The following FAM53B variants were observed in gnomAD, a reference collection of about 807,000 sequenced individuals.
FAM53B encodes family with sequence similarity 53 member B.
FAM53B carries 12 observed loss-of-function variants against 32.7 expected under a neutral mutation model. The observed-to-expected ratio is 0.37, with a 90% CI of 0.24 to 0.59. The LOEUF is 0.59. FAM53B is among the 20% of genes least tolerant of loss of function. The pLI, the probability that FAM53B is intolerant of heterozygous loss-of-function variation, is 0.72. For synonymous variants in FAM53B, 234 were observed against 228.7 expected, an observed-to-expected ratio of 1.02 and a Z score of -0.21; for missense variants, 477 against 577.7, an observed-to-expected ratio of 0.83 and a Z score of 1.79.
chr10:124,662,214 G>A (rs1473191829), intron 4 of FAM53B, among the ~76,000 whole-genome samples: 5 of 152,188 alleles, frequency 3.3e-5, no homozygotes, highest in African/African-American at 2.4e-5. Context: ...AGCCTCTTCC[G>A]TAAAACAAGC....
intron 1 of FAM53B, among the ~76,000 whole-genome samples, chr10:124,735,480 A>C (rs908722291): frequency 6.6e-6 from 1 of 152,222 alleles, no homozygotes; most frequent in Non-Finnish European, 1.5e-5. Flanking sequence ...TTTCCTCCCG[A>C]AAAAAACCCT....
chr10:124,689,415 A>C (rs1350982206), intron 3 of FAM53B, among the ~76,000 whole-genome samples: 2 of 152,166 alleles, frequency 1.3e-5, no homozygotes, highest in Admixed American at 6.5e-5. Flanking sequence ...CAGTGTCAGG[A>C]ACAAAAAGTC....
chr10:124,672,815 GTGCAAGGAC>G (rs1319763173), intron 4 of FAM53B, among the ~76,000 whole-genome samples: 2 of 152,226 alleles, frequency 1.3e-5, no homozygotes, highest in Non-Finnish European at 2.9e-5. Context: ...AATCACAGAT[GTGCAAGGAC>G]TGGGGGGTAA....
chr10:124,645,658 G>T (rs185475151), intron 4 of FAM53B, among the ~76,000 whole-genome samples: 2 of 152,370 alleles, frequency 1.3e-5, no homozygotes, highest in East Asian at 3.9e-4. Flanking sequence ...GACGCACACT[G>T]TTGGCGGCTG....
intron 4 of FAM53B, among the ~76,000 whole-genome samples, chr10:124,679,536 G>C (rs569085573): frequency 8.4e-4 from 128 of 152,248 alleles, no homozygotes; most frequent in African/African-American, 3.0e-3. Flanking sequence ...GAGCCCCATG[G>C]AGAGAGGGCT....
intron 4 of FAM53B, among the ~76,000 whole-genome samples, chr10:124,656,357 A>G (rs140420923): frequency 4.4e-4 from 67 of 152,366 alleles, no homozygotes; most frequent in Middle Eastern, 3.4e-3. Flanking sequence ...CTGTAGTGGG[A>G]GCGCAGGTGT....
rs1950165589 is a variant in FAM53B, at chr10:124,735,036, A to G, written c.-175+8977T>C. Among the ~76,000 whole-genome samples, 3 of 152,306 alleles carry G rather than the reference A, an allele frequency of 2.0e-5. No homozygotes were observed. The South Asian group carries it at 6.2e-4, about 32-fold the overall frequency. On this transcript the variant is annotated intron_variant, in intron 1 of 4. Coordinates refer to ENST00000337318, the MANE Select transcript of FAM53B (RefSeq NM_014661.4). ...CTAGAAGCAGCCGGAATCACACCGC[A>G]GGCCGAGCTGGGGGCAGGCGCTCCA...
In FAM53B at chr10:124,621,968, G is replaced by C. The variant is rs1949313630; in HGVS notation, c.*1274C>G. On this transcript the variant is annotated 3_prime_UTR_variant, in exon 5 of 5. Coordinates refer to ENST00000337318, the MANE Select transcript of FAM53B (RefSeq NM_014661.4). Reference sequence around the variant, plus strand: ...TGTGGTGGTGTCTGCAAGGCAGCCGGAGAGGAGCTACAAACCTTGAGAGGA... The same window carrying C: ...TGTGGTGGTGTCTGCAAGGCAGCCGCAGAGGAGCTACAAACCTTGAGAGGA... 6.6e-6 allele frequency: 1 copy of C among 152,478 alleles called. No homozygotes were observed. Among genetic ancestry groups the C allele is most frequent in the African/African-American group, 2.4e-5 (1 of 41,448 alleles). The allele number at this position is 152,478 out of a possible 1,614,324, so 9.4% of individuals were successfully genotyped here.
At position 124,623,340 on chromosome 10, in the gene FAM53B, C is replaced by G. The variant is rs760892008; in HGVS notation, c.1171G>C (p.Ala391Pro). ...TCCCGCCAGGCTGCAGCCGGCTCCG[C>G]TCTCCTGCCACAATCCTCGTCCAGG... Reference protein sequence around the residue: ...CALDEDCGRRAEPAAAWRDRG... With the variant: ...CALDEDCGRRPEPAAAWRDRG... Residue 391 changes from alanine to proline, a missense_variant, in exon 5 of 5, where the codon GCG becomes CCG. Transcript: ENST00000337318. 2.5e-6 allele frequency: 4 copies of G among 1,612,250 alleles called. No individual in the cohort carries two copies. Among genetic ancestry groups the G allele is most frequent in the Non-Finnish European group, 3.4e-6 (4 of 1,179,724 alleles).
intron 3 of FAM53B, among the ~76,000 whole-genome samples, chr10:124,687,946 A>T (rs1245169278): frequency 6.6e-6 from 1 of 152,142 alleles, no homozygotes; most frequent in African/African-American, 2.4e-5. Context: ...TACAAATTTG[A>T]ATTCATAACA....
At chr10:124,698,985 A>G (rs1352247538) in intron 2 of FAM53B, among the ~76,000 whole-genome samples, 1 of 152,102 alleles carries the variant, frequency 6.6e-6, no homozygotes, top group Non-Finnish European at 1.5e-5. Flanking sequence ...CAGGCCAGTC[A>G]CTACCATCTC....
At chr10:124,690,267 AC>A (rs1398506096) in intron 3 of FAM53B, among the ~76,000 whole-genome samples, 2 of 152,160 alleles carry the variant, frequency 1.3e-5, no homozygotes, top group African/African-American at 4.8e-5. Flanking sequence ...CAAGCACGTG[AC>A]TCATCTCATG....
At chr10:124,724,887 C>T (rs530093723) in intron 1 of FAM53B, among the ~76,000 whole-genome samples, 15 of 152,178 alleles carry the variant, frequency 9.9e-5, no homozygotes, top group East Asian at 3.9e-4. Context: ...GCGCTTCCCA[C>T]GTGTTTTCGT....
intron 2 of FAM53B, among the ~76,000 whole-genome samples, chr10:124,701,567 T>C (rs998083790): frequency 3.3e-5 from 5 of 152,140 alleles, no homozygotes; most frequent in Non-Finnish European, 7.3e-5. Context: ...TTGGCCTGAG[T>C]GTGGGCGTGC....
chr10:124,673,985 T>C (rs915990337), intron 4 of FAM53B, among the ~76,000 whole-genome samples: 6 of 151,992 alleles, frequency 3.9e-5, no homozygotes, highest in South Asian at 2.1e-4. Context: ...GGTGGCAGAG[T>C]GCCTCTCAAA....
At chr10:124,668,549 C>T (rs1160337581) in intron 4 of FAM53B, among the ~76,000 whole-genome samples, 1 of 152,274 alleles carries the variant, frequency 6.6e-6, no homozygotes, top group African/African-American at 2.4e-5. Flanking sequence ...CAGCACTGTG[C>T]CCATGCCAGG....
intron 4 of FAM53B, among the ~76,000 whole-genome samples, chr10:124,680,987 A>C (rs1183403603): frequency 6.6e-6 from 1 of 152,244 alleles, no homozygotes; most frequent in Non-Finnish European, 1.5e-5. Flanking sequence ...CACAAGGCAG[A>C]GCTCCAAGAC....
At chr10:124,649,688 A>G (rs1420143732) in intron 4 of FAM53B, among the ~76,000 whole-genome samples, 4 of 152,232 alleles carry the variant, frequency 2.6e-5, no homozygotes, top group South Asian at 2.1e-4. Flanking sequence ...TTACTGCCAG[A>G]GAGCTGCCCT....
intron 4 of FAM53B, among the ~76,000 whole-genome samples, chr10:124,658,149 A>C (rs955126369): frequency 3.9e-5 from 6 of 152,226 alleles, no homozygotes; most frequent in East Asian, 1.9e-4. Flanking sequence ...GGGCAGAGAC[A>C]GGGGCAGCGA....
Sources: gnomAD v4.1 joint callset for allele counts (sites outside exome capture counted in the v4.1 genomes callset) on GRCh38, gnomAD v4.1.1 for gene constraint, MANE v1.5 for transcripts, NCBI Gene and HGNC (gene_info 2026-07-23, HGNC 2026-07-21) for gene names.